DOCK1: variants seen among roughly 807,000 people sequenced by gnomAD.
DOCK1 encodes the protein dedicator of cytokinesis 1, also known as dedicator of cytokinesis protein 1.
DOCK1 carries 138 observed loss-of-function variants against 262.7 expected under a neutral mutation model. The observed-to-expected ratio is 0.53, with a 90% CI of 0.46 to 0.61. The LOEUF (loss-of-function observed/expected upper bound fraction) is 0.61. Among genes scored for constraint, DOCK1 ranks in the 20% least tolerant of loss-of-function variants. The probability of loss-of-function intolerance (pLI) is 0.00; values close to 1 mark genes in which losing one functional copy is unlikely to be tolerated. For synonymous variants in DOCK1, 866 were observed against 867.4 expected, an observed-to-expected ratio of 1.00 and a Z score of 0.03; for missense variants, 1,908 against 2,370.7, an observed-to-expected ratio of 0.80 and a Z score of 4.05.
intron 30 of DOCK1, among the ~76,000 whole-genome samples, chr10:127,342,161 C>G (rs553321187): frequency 6.6e-6 from 1 of 152,074 alleles, no homozygotes; most frequent in Non-Finnish European, 1.5e-5. Flanking sequence ...ATTGTGAGTC[C>G]TCGCAGGCAT....
At chr10:127,362,293 G>A (rs1178420515) in intron 33 of DOCK1, 81 bp downstream of exon 33, 7 of 1,447,286 alleles carry the variant, frequency 4.8e-6, no homozygotes, top group South Asian at 1.6e-5. Context: ...CCTGTAGACA[G>A]TTCTAGAGTT....
chr10:127,146,341 A>G (rs1427894905), intron 27 of DOCK1, among the ~76,000 whole-genome samples: 1 of 152,230 alleles, frequency 6.6e-6, no homozygotes, highest in Non-Finnish European at 1.5e-5. Flanking sequence ...GTTTCCTAGC[A>G]TCTAAATAAG....
At position 126,999,408 on chromosome 10, in the gene DOCK1, A is replaced by G. The variant is rs2040427405; in HGVS notation, c.822A>G (p.Arg274=). 3 of 1,613,352 alleles carry G rather than the reference A, an allele frequency of 1.9e-6. No individual in the cohort carries two copies. The highest frequency in any genetic ancestry group is 1.7e-5 in the Admixed American group (1 of 59,910). Residue 274 remains arginine (R), a synonymous_variant, in exon 9 of 52, where the codon AGA becomes AGG. Transcript: ENST00000623213. ...CAGGATTACCTAAAGACATAGACAG[A>G]TTACATAATTTGCGAGCCGTGTTTA... ...SSSGLPKDID[R]LHNLRAVFTD... is the part of the protein sequence containing the mutation.
intron 49 of DOCK1, among the ~76,000 whole-genome samples, chr10:127,441,989 C>A (rs1396089009): frequency 6.6e-6 from 1 of 152,116 alleles, no homozygotes; most frequent in Non-Finnish European, 1.5e-5. Context: ...ATCTCTCTTG[C>A]CAGCACATTC....
intron 1 of DOCK1, among the ~76,000 whole-genome samples, chr10:126,924,301 G>A (rs2033491214): frequency 1.5e-5 from 2 of 133,858 alleles, no homozygotes; most frequent in South Asian, 5.7e-4. Context: ...ACTCAGTAGG[G>A]GGAGGCTGTG....
At chr10:127,260,730 C>T (rs112708900) in intron 29 of DOCK1, among the ~76,000 whole-genome samples, 8,724 of 93,460 alleles carry the variant, frequency 0.093, 328 homozygotes, top group Non-Finnish European at 0.12. Flanking sequence ...CATGTGTGTG[C>T]GTGTGGGTGT....
At chr10:127,263,465 T>C (rs1429954940) in intron 29 of DOCK1, among the ~76,000 whole-genome samples, 1 of 96,132 alleles carries the variant, frequency 1.0e-5, no homozygotes, top group African/African-American at 4.6e-5. Context: ...TGGGAACTGA[T>C]AGGCGATGGC....
chr10:127,235,366 T>G (rs199841882), intron 27 of DOCK1, among the ~76,000 whole-genome samples: 3 of 14 alleles, frequency 0.21, no homozygotes, highest in African/African-American at 0.38. Context: ...TAGAACGACA[T>G]TAAAAATGGA....
At chr10:126,993,348 G>A (rs1344088963) in intron 6 of DOCK1, among the ~76,000 whole-genome samples, 1 of 152,196 alleles carries the variant, frequency 6.6e-6, no homozygotes. Context: ...GCCTACACTA[G>A]AAGTGACCAT....
chr10:127,318,359 C>G (rs769010491), intron 29 of DOCK1, among the ~76,000 whole-genome samples: 2 of 152,136 alleles, frequency 1.3e-5, no homozygotes, highest in African/African-American at 4.8e-5. Flanking sequence ...AGGTGTGATC[C>G]CAGCACACTG....
chr10:126,925,788 A>G (rs2033668783), intron 1 of DOCK1, among the ~76,000 whole-genome samples: 1 of 151,260 alleles, frequency 6.6e-6, no homozygotes, highest in African/African-American at 2.4e-5. Context: ...GTGCATCTGC[A>G]GAAATAGGTC....
chr10:127,054,478 G>T (rs2044997256), intron 22 of DOCK1, among the ~76,000 whole-genome samples: 1 of 152,064 alleles, frequency 6.6e-6, no homozygotes, highest in African/African-American at 2.4e-5. Flanking sequence ...CATGACCTTT[G>T]GTGTGGATTG....
chr10:127,243,023 G>A (rs543000015), intron 27 of DOCK1, among the ~76,000 whole-genome samples: 29 of 152,282 alleles, frequency 1.9e-4, no homozygotes, highest in Middle Eastern at 3.4e-3. Context: ...ATTTCTGCCT[G>A]TGTTGTGTGT....
intron 21 of DOCK1, among the ~76,000 whole-genome samples, chr10:127,051,440 C>T (rs1474468240): frequency 2.6e-5 from 4 of 151,960 alleles, no homozygotes; most frequent in African/African-American, 9.7e-5. Flanking sequence ...TTTTAATTTT[C>T]GGTGTAAGAA....
intron 27 of DOCK1, among the ~76,000 whole-genome samples, chr10:127,193,265 G>T (rs2056876895): frequency 6.6e-6 from 1 of 152,074 alleles, no homozygotes. Flanking sequence ...GGTTTTATCT[G>T]GGGAGTTTTT....
Position 127,118,108 on chromosome 10 carries a change from C to A in DOCK1, c.2624-7366C>A, listed in dbSNP as rs1395795234. Among the ~76,000 whole-genome samples, 3 of 152,148 alleles carry A rather than the reference C, an allele frequency of 2.0e-5. No individual in the cohort carries two copies. In the East Asian group the frequency reaches 5.8e-4, roughly 29 times the overall value. On this transcript the variant is annotated intron_variant, in intron 25 of 51. Transcript: ENST00000623213. ...TATGTTTTTTTGCTACCTTTATTCT[C>A]CTGGTTTAAAAAATACCCACCATTC... is the stretch of plus-strand genomic sequence containing the variant.
intron 40 of DOCK1, among the ~76,000 whole-genome samples, chr10:127,408,132 G>A (rs1361969353): frequency 5.3e-5 from 8 of 152,100 alleles, no homozygotes; most frequent in Non-Finnish European, 1.0e-4. Flanking sequence ...TCACACTCAG[G>A]CAGAAATGAC....
At chr10:127,103,345 G>A (rs7896054) in intron 23 of DOCK1, among the ~76,000 whole-genome samples, 34,204 of 152,076 alleles carry the variant, frequency 0.22, 5,510 homozygotes, top group African/African-American at 0.46. Context: ...TCGTAGGACC[G>A]CCAAAACAGG....
At chr10:127,173,871 A>G (rs968041410) in intron 27 of DOCK1, among the ~76,000 whole-genome samples, 3 of 152,196 alleles carry the variant, frequency 2.0e-5, no homozygotes, top group African/African-American at 7.2e-5. Context: ...CTATGAATCT[A>G]CTGTTAAGAT....
Sources: gnomAD v4.1 joint callset for allele counts (sites outside exome capture counted in the v4.1 genomes callset) on GRCh38, gnomAD v4.1.1 for gene constraint, MANE v1.5 for transcripts, NCBI Gene and HGNC (gene_info 2026-07-23, HGNC 2026-07-21) for gene names.